Variants in CTNNA2 observed in about 807,000 individuals in gnomAD.
CTNNA2 encodes the protein catenin alpha 2.
CTNNA2 carries 42 observed loss-of-function variants against 101.0 expected under a neutral mutation model. The ratio of observed to expected loss-of-function variants is 0.42; its 90% CI spans 0.32 to 0.54. CTNNA2 has a LOEUF of 0.54. CTNNA2 is among the 20% of genes least tolerant of loss of function. The pLI, the probability that CTNNA2 is intolerant of heterozygous loss-of-function variation, is 0.14. For synonymous variants in CTNNA2, 450 were observed against 456.4 expected (o/e 0.99, Z 0.18); for missense variants, 871 against 1,223.1 (o/e 0.71, Z 4.29).
intron 4 of CTNNA2, among the ~76,000 whole-genome samples, chr2:79,382,190 C>T (rs1319434281): frequency 4.0e-5 from 6 of 151,872 alleles, no homozygotes; most frequent in African/African-American, 4.8e-5. Flanking sequence ...CATCAGTACT[C>T]CTAGTACTCA....
chr2:80,416,994 T>C lies in CTNNA2; in HGVS notation c.1138-2455T>C, dbSNP rs192005662. On this transcript the variant is annotated intron_variant, in intron 8 of 18. Transcript: ENST00000402739. Reference sequence around the variant, plus strand: ...TTTTTCCTGTATAAATCATATGCTATATTTGCTGAAATGCAGTTTTTTCCC... The same window carrying C: ...TTTTTCCTGTATAAATCATATGCTACATTTGCTGAAATGCAGTTTTTTCCC... 3.3e-5 allele frequency among the ~76,000 whole-genome samples: 5 copies of C among 152,122 alleles called. No individual in the cohort carries two copies. In the East Asian group the frequency reaches 9.7e-4, roughly 29 times the overall value.
intron 7 of CTNNA2, among the ~76,000 whole-genome samples, chr2:80,270,449 T>C (rs1673378768): frequency 6.6e-6 from 1 of 152,200 alleles, no homozygotes. Context: ...GAACTCATTG[T>C]CTTAAGTGTG....
intron 2 of CTNNA2, among the ~76,000 whole-genome samples, chr2:79,710,070 A>ATTCTGAAACCCGAAATGATGTT: frequency 6.6e-6 from 1 of 152,138 alleles, no homozygotes; most frequent in Non-Finnish European, 1.5e-5. Flanking sequence ...TCCCTCTTGA[A>ATTCTGAAACCCGAAATGATGTT]TTCTGAAACC....
chr2:79,682,764 C>T (rs1169418360), intron 2 of CTNNA2, among the ~76,000 whole-genome samples: 1 of 152,038 alleles, frequency 6.6e-6, no homozygotes, highest in Non-Finnish European at 1.5e-5. Flanking sequence ...AAAATAGATA[C>T]ATATATGTGC....
At chr2:79,359,028 A>G (rs949876718) in intron 3 of CTNNA2, among the ~76,000 whole-genome samples, 1 of 152,208 alleles carries the variant, frequency 6.6e-6, no homozygotes, top group Non-Finnish European at 1.5e-5. Flanking sequence ...TAGATATAAC[A>G]TACTAAGTTA....
rs538799358 is a variant in CTNNA2 at position 79,813,573 on chromosome 2, A to G, written c.299-44440A>G. The stretch of plus-strand genomic sequence containing the variant: ...CACTATACCTTCAATTCAATTTGGG[A>G]TGTGTGAGTGGAGATTTCAAGTAGA... On this transcript the variant is annotated intron_variant, in intron 3 of 18. Coordinates refer to ENST00000402739, the MANE Select transcript of CTNNA2 (RefSeq NM_001282597.3). Among the ~76,000 whole-genome samples the G allele has an allele frequency of 2.8e-4, 43 of 152,196 alleles. No homozygotes were observed. In the East Asian group the frequency reaches 6.4e-3, roughly 23 times the overall value.
In CTNNA2 at chr2:80,536,957, G is replaced by A. The variant is rs144461224; in HGVS notation, c.1291-8025G>A. On this transcript the variant is annotated intron_variant, in intron 9 of 18. Transcript: ENST00000402739. ...CTTCTGGGATACGTGTGCAGAATGT[G>A]CAGGCTTGTTACATAGGTATACATG... Among the ~76,000 whole-genome samples the A allele has an allele frequency of 5.3e-5, 8 of 152,340 alleles. No individual in the cohort carries two copies. The East Asian group carries it at 1.4e-3, about 26-fold the overall frequency.
chr2:79,721,742 A>G (rs1686503375), intron 2 of CTNNA2, among the ~76,000 whole-genome samples: 1 of 152,322 alleles, frequency 6.6e-6, no homozygotes. Flanking sequence ...CTTCTACTGA[A>G]TATGTTCGAA....
chr2:79,932,838 T>G (rs954914212), intron 7 of CTNNA2, among the ~76,000 whole-genome samples: 2 of 152,206 alleles, frequency 1.3e-5, no homozygotes, highest in Non-Finnish European at 2.9e-5. Context: ...CACCACACTT[T>G]GTATTTCATG....
chr2:80,133,824 T>C (rs1477134215), intron 7 of CTNNA2, among the ~76,000 whole-genome samples: 1 of 152,154 alleles, frequency 6.6e-6, no homozygotes, highest in Non-Finnish European at 1.5e-5. Context: ...ATGCTCATTA[T>C]AGAAAAAGAA....
chr2:79,549,409 A>G (rs1426705534), intron 1 of CTNNA2, among the ~76,000 whole-genome samples: 1 of 152,198 alleles, frequency 6.6e-6, no homozygotes, highest in East Asian at 1.9e-4. Flanking sequence ...TCATTTACAT[A>G]GTATACAAAT....
intron 2 of CTNNA2, among the ~76,000 whole-genome samples, chr2:79,287,407 C>T (rs373149406): frequency 1.6e-4 from 25 of 152,216 alleles, no homozygotes; most frequent in Non-Finnish European, 2.9e-4. Flanking sequence ...TGGTCTTTGA[C>T]GATGGTGATG....
chr2:79,547,609 T>C (rs2104026503), intron 1 of CTNNA2: 1 of 152,340 alleles, frequency 6.6e-6, no homozygotes, highest in East Asian at 1.9e-4. Flanking sequence ...GACCTCTGTA[T>C]ATAAGACTTC....
At chr2:80,360,772 A>C (rs1239501263) in intron 7 of CTNNA2, among the ~76,000 whole-genome samples, 2 of 152,088 alleles carry the variant, frequency 1.3e-5, no homozygotes, top group African/African-American at 4.8e-5. Flanking sequence ...ATCTACAATG[A>C]TAGCATTTTG....
At chr2:79,566,462 A>G (rs560132238) in intron 1 of CTNNA2, among the ~76,000 whole-genome samples, 1 of 151,890 alleles carries the variant, frequency 6.6e-6, no homozygotes, top group East Asian at 2.0e-4. Context: ...AATGTTGCCA[A>G]ACAAAGTGGC....
chr2:80,028,287 C>G (rs1025365644), intron 7 of CTNNA2: 15 of 152,184 alleles, frequency 9.9e-5, no homozygotes, highest in African/African-American at 3.4e-4. Flanking sequence ...CCATGGGTTG[C>G]TTTCGCAGCA....
At chr2:79,202,327 G>T (rs1674046046) in intron 2 of CTNNA2, among the ~76,000 whole-genome samples, 1 of 129,432 alleles carries the variant, frequency 7.7e-6, no homozygotes, top group Non-Finnish European at 1.7e-5. Flanking sequence ...CCACACACTT[G>T]TTTTTTTATT....
At chr2:80,065,614 A>G (rs1220145069) in intron 7 of CTNNA2, among the ~76,000 whole-genome samples, 1 of 152,002 alleles carries the variant, frequency 6.6e-6, no homozygotes, top group Non-Finnish European at 1.5e-5. Context: ...GGCCTCCCAA[A>G]GTGCTGGGAT....
intron 7 of CTNNA2, among the ~76,000 whole-genome samples, chr2:80,082,677 G>GA: frequency 6.6e-6 from 1 of 152,226 alleles, no homozygotes; most frequent in African/African-American, 2.4e-5. Context: ...CAAACAGGAA[G>GA]AAAAAATTGA....
Sources: allele counts gnomAD v4.1 joint callset (sites outside exome capture counted in the v4.1 genomes callset), GRCh38; gene constraint gnomAD v4.1.1; transcripts MANE v1.5; gene names NCBI Gene and HGNC (gene_info 2026-07-23, HGNC 2026-07-21).